The following IFIT1 variants were observed in gnomAD, a reference collection of about 807,000 sequenced individuals.
IFIT1 encodes interferon induced protein with tetratricopeptide repeats 1.
In IFIT1, 1 loss-of-function variant was observed where a neutral mutation model predicts 2.5. The observed-to-expected ratio is 0.40, with a 90% CI of 0.14 to 1.92. The LOEUF is 1.92. Among genes scored for constraint, IFIT1 ranks in the 40% most tolerant of loss-of-function variants. The pLI, the probability that IFIT1 is intolerant of heterozygous loss-of-function variation, is 0.31. For synonymous variants in IFIT1, 191 were observed against 201.7 expected (o/e 0.95, Z 0.45); for missense variants, 508 against 557.8 (o/e 0.91, Z 0.90).
intron 1 of IFIT1, chr10:89,393,369 A>G: frequency 9.0e-7 from 1 of 1,108,794 alleles, no homozygotes; most frequent in Non-Finnish European, 1.2e-6. Context: ...GATGATCCAC[A>G]TCTGCTTGGG....
chr10:89,403,080 A>G lies in IFIT1; in HGVS notation c.805A>G (p.Lys269Glu). The G allele has an allele frequency of 6.2e-7, 1 of 1,614,236 alleles. No individual in the cohort carries two copies. The highest frequency in any genetic ancestry group is 2.2e-5 in the East Asian group (1 of 44,884). Residue 269 changes from lysine (K) to glutamate (E), a missense_variant, in exon 2 of 2, where the codon AAA becomes GAA. By Grantham distance (56) the Lys-to-Glu change is moderately conservative. Coordinates refer to ENST00000371804, the MANE Select transcript of IFIT1 (RefSeq NM_001548.5). ...TTACCGAAGAAAAGGCTCTGTGGAT[A>G]AAGCTCTTGAGTTATTAAAAAAGGC... ...KFYRRKGSVD[K>E]ALELLKKALQ...
chr10:89,394,790 C>T (rs1844317932), intron 1 of IFIT1, among the ~76,000 whole-genome samples: 1 of 151,752 alleles, frequency 6.6e-6, no homozygotes, highest in Non-Finnish European at 1.5e-5. Flanking sequence ...AGTTCAAGAA[C>T]ATTTTTCTCG....
chr10:89,393,168 T>G (rs1051039517), intron 1 of IFIT1: 4 of 1,290,618 alleles, frequency 3.1e-6, no homozygotes, highest in Non-Finnish European at 2.0e-6. Context: ...TCTTGCAGCC[T>G]CTCTGATGTC....
chr10:89,402,752 G>C lies in IFIT1; in HGVS notation c.477G>C (p.Arg159=), dbSNP rs781112450. The C allele has an allele frequency of 1.9e-6, 3 of 1,614,180 alleles. No homozygotes were observed. The Admixed American group carries it at 5.0e-5, about 27-fold the overall frequency. ...LLKCGGKNYE[R]AKACFEKVLE... ...AGTGTGGAGGAAAAAATTATGAACG[G>C]GCCAAGGCCTGCTTTGAAAAGGTGC... Residue 159 remains arginine (R), a synonymous_variant, in exon 2 of 2, where the codon CGG becomes CGC. Coordinates refer to ENST00000371804, the MANE Select transcript of IFIT1 (RefSeq NM_001548.5).
rs1844481392 is a variant in IFIT1, at chr10:89,403,703, A to C, written c.1428A>C (p.Gln476His). The change falls in exon 2 of 2, where the codon CAA (glutamine) becomes CAC (histidine). Residue 476 changes from glutamine (Q) to histidine (H), a missense_variant. Transcript: ENST00000371804. ...CTGACTTTGAGAACTCTGTGAGACA[A>C]GGTCCTTAGGCACCCAGATATCAGC... ...LAADFENSVRQGP is the reference protein window; with the variant it reads ...LAADFENSVRHGP 3.9e-6 allele frequency: 6 copies of C among 1,554,436 alleles called. No individual in the cohort carries two copies. The highest frequency in any genetic ancestry group is 5.2e-6 in the Non-Finnish European group (6 of 1,148,590).
At position 89,397,857 on chromosome 10, in the gene IFIT1, T is replaced by TTCTATTTATTA. The variant is rs1844367527; in HGVS notation, c.6-4423_6-4422insCTATTTATTAT. 2.0e-5 allele frequency among the ~76,000 whole-genome samples: 3 copies of TTCTATTTATTA among 152,252 alleles called. No individual in the cohort carries two copies. The South Asian group carries it at 6.2e-4, about 31-fold the overall frequency. On this transcript the variant is annotated intron_variant, in intron 1 of 1. Coordinates refer to ENST00000371804, the MANE Select transcript of IFIT1 (RefSeq NM_001548.5). ...ACGTTTTTGTTATTTTTCTATTTACTTTGTTTGGAGTACCTTTGCCATAAA... is the reference window on the plus strand; with the variant it reads ...ACGTTTTTGTTATTTTTCTATTTACTTCTATTTATTATTGTTTGGAGTACCTTTGCCATAAA...
rs1272583521 is a variant in IFIT1 at position 89,405,454 on chromosome 10, C to A, written c.*1742C>A. 2 of 152,166 alleles carry A rather than the reference C, an allele frequency of 1.3e-5. No homozygotes were observed. Among genetic ancestry groups the A allele is most frequent in the South Asian group, 2.1e-4 (1 of 4,832 alleles). 9.4% of individuals were successfully genotyped at this position (152,166 alleles called of 1,614,324 possible). A position where few individuals can be genotyped will look rare whatever the true frequency, so the allele number is the denominator to read the frequency against. On this transcript the variant is annotated 3_prime_UTR_variant, in exon 2 of 2. Coordinates refer to ENST00000371804, the MANE Select transcript of IFIT1 (RefSeq NM_001548.5). ...TGTTTTGGGGGGAATATACTAGTTT[C>A]TTTTAGTGGCTGTAACAAATTACCA... is the stretch of plus-strand genomic sequence containing the variant.
At chr10:89,401,789 TGA>T (rs924687216) in intron 1 of IFIT1, among the ~76,000 whole-genome samples, 7 of 48,682 alleles carry the variant, frequency 1.4e-4, no homozygotes, top group African/African-American at 1.4e-3. Flanking sequence ...AAAAAAAAAA[TGA>T]AAAAAAAAAA....
intron 1 of IFIT1, 32 bp downstream of exon 1, chr10:89,392,749 T>C (rs1282555664): frequency 1.2e-6 from 2 of 1,611,598 alleles, no homozygotes; most frequent in Non-Finnish European, 1.7e-6. Context: ...TGCCATAATG[T>C]CTAAAGTTTT....
chr10:89,394,594 A>ATATATTT (rs1272015507), intron 1 of IFIT1, among the ~76,000 whole-genome samples: 28 of 16,710 alleles, frequency 1.7e-3, no homozygotes, highest in African/African-American at 7.3e-3. Flanking sequence ...ATATATATAT[A>ATATATTT]TATATATATA....
Position 89,403,089 on chromosome 10 carries a change from G to C in IFIT1, c.814G>C (p.Glu272Gln). The change falls in exon 2 of 2, where the codon GAG becomes CAG. Residue 272 changes from glutamate to glutamine, a missense_variant. Transcript: ENST00000371804. Reference protein sequence around the residue: ...RRKGSVDKALELLKKALQETP... With the variant: ...RRKGSVDKALQLLKKALQETP... Reference sequence around the variant, plus strand: ...AAAAGGCTCTGTGGATAAAGCTCTTGAGTTATTAAAAAAGGCCTTGCAGGA... The same window carrying C: ...AAAAGGCTCTGTGGATAAAGCTCTTCAGTTATTAAAAAAGGCCTTGCAGGA... The C allele has an allele frequency of 1.9e-6, 3 of 1,614,176 alleles. No homozygotes were observed. Among genetic ancestry groups the C allele is most frequent in the Non-Finnish European group, 2.5e-6 (3 of 1,180,036 alleles).
rs1844273363 is a variant in IFIT1 at position 89,392,655 on chromosome 10, C to T, written c.-58C>T. ...AATCCACAAGACAGAATAGCCAGAT[C>T]TCAGAGGAGCCTGGCTAAGCAAAAC... On this transcript the variant is annotated 5_prime_UTR_variant, in exon 1 of 2. Transcript: ENST00000371804. 1.3e-6 allele frequency: 2 copies of T among 1,594,618 alleles called. No homozygotes were observed. Among genetic ancestry groups the T allele is most frequent in the East Asian group, 2.2e-5 (1 of 44,788 alleles).
intron 1 of IFIT1, among the ~76,000 whole-genome samples, chr10:89,401,755 G>A (rs1018620387): frequency 2.3e-4 from 34 of 149,606 alleles, no homozygotes; most frequent in African/African-American, 7.2e-4. Context: ...GCAACTTTCC[G>A]TGAATCTGTA....
intron 1 of IFIT1, chr10:89,393,173 G>C: frequency 7.7e-7 from 1 of 1,290,530 alleles, no homozygotes; most frequent in Non-Finnish European, 1.0e-6. Context: ...CAGCCTCTCT[G>C]ATGTCTTGTG....
chr10:89,405,446 A>C lies in IFIT1; in HGVS notation c.*1734A>C. ...TCTGTATATGTTTTGGGGGGAATATACTAGTTTCTTTTAGTGGCTGTAACA... is the reference window on the plus strand; with the variant it reads ...TCTGTATATGTTTTGGGGGGAATATCCTAGTTTCTTTTAGTGGCTGTAACA... On this transcript the variant is annotated 3_prime_UTR_variant, in exon 2 of 2. Coordinates refer to ENST00000371804, the MANE Select transcript of IFIT1 (RefSeq NM_001548.5). 1 of 152,250 alleles carries C rather than the reference A, an allele frequency of 6.6e-6. No individual in the cohort carries two copies. Among genetic ancestry groups the C allele is most frequent in the East Asian group, 1.9e-4 (1 of 5,206 alleles). The allele number at this position is 152,250 out of a possible 1,614,324, so 9.4% of individuals were successfully genotyped here.
At position 89,402,707 on chromosome 10, in the gene IFIT1, G is replaced by A. The variant is rs1301985438; in HGVS notation, c.432G>A (p.Glu144=). 10 of 1,614,114 alleles carry A rather than the reference G, an allele frequency of 6.2e-6. No homozygotes were observed. Among genetic ancestry groups the A allele is most frequent in the Non-Finnish European group, 8.5e-6 (10 of 1,180,046 alleles). The change falls in exon 2 of 2, where the codon GAG becomes GAA. Residue 144 remains glutamate, a synonymous_variant. Coordinates refer to ENST00000371804, the MANE Select transcript of IFIT1 (RefSeq NM_001548.5). ...YRMECPEIDC[E]EGWALLKCGG... is the part of the protein sequence containing the mutation. ...TGGAGTGTCCAGAAATAGACTGTGA[G>A]GAAGGATGGGCCTTGCTGAAGTGTG...
At chr10:89,400,136 C>T (rs371346956) in intron 1 of IFIT1, among the ~76,000 whole-genome samples, 2 of 152,248 alleles carry the variant, frequency 1.3e-5, no homozygotes, top group East Asian at 1.9e-4. Flanking sequence ...CTGGTCTATA[C>T]ATCTGTCTTT....
chr10:89,401,149 C>G (rs908401538), intron 1 of IFIT1, among the ~76,000 whole-genome samples: 7 of 147,604 alleles, frequency 4.7e-5, no homozygotes, highest in African/African-American at 1.5e-4. Flanking sequence ...CTGAGTTTCT[C>G]TCTGTTACCT....
intron 1 of IFIT1, among the ~76,000 whole-genome samples, chr10:89,396,636 C>A (rs1232612838): frequency 1.3e-5 from 2 of 152,214 alleles, no homozygotes; most frequent in Admixed American, 6.5e-5. Context: ...TCCCACTAGA[C>A]CCTACCTCCA....
Sources: allele counts gnomAD v4.1 joint callset (sites outside exome capture counted in the v4.1 genomes callset), GRCh38; gene constraint gnomAD v4.1.1; transcripts MANE v1.5; gene names NCBI Gene and HGNC (gene_info 2026-07-23, HGNC 2026-07-21).